Variants in NUBPL observed in about 807,000 individuals in gnomAD.
NUBPL encodes iron-sulfur cluster transfer protein NUBPL.
A neutral mutation model predicts 45.7 loss-of-function variants in NUBPL; 31 were observed. The observed-to-expected ratio is 0.68, with a 90% confidence interval of 0.51 to 0.92. The LOEUF (loss-of-function observed/expected upper bound fraction) is 0.92. NUBPL is among the 40% of genes least tolerant of loss of function. The pLI, the probability that NUBPL is intolerant of heterozygous loss-of-function variation, is 0.00. For synonymous variants in NUBPL, 144 were observed against 140.9 expected (o/e 1.02, Z -0.15); for missense variants, 401 against 398.7 (o/e 1.01, Z -0.05).
At chr14:31,775,100 C>T (rs2039075938) in intron 6 of NUBPL, among the ~76,000 whole-genome samples, 1 of 152,172 alleles carries the variant, frequency 6.6e-6, no homozygotes, top group Non-Finnish European at 1.5e-5. Context: ...CTTTGCACAA[C>T]AGCTCACTGA....
intron 7 of NUBPL, among the ~76,000 whole-genome samples, chr14:31,813,747 C>G (rs117031556): frequency 0.076 from 11,594 of 152,184 alleles, 486 homozygotes; most frequent in Non-Finnish European, 0.092. Flanking sequence ...CATGTTTTCT[C>G]TTTGTTCAAC....
At chr14:31,655,636 C>T (rs549024949) in intron 4 of NUBPL, among the ~76,000 whole-genome samples, 18 of 152,234 alleles carry the variant, frequency 1.2e-4, no homozygotes, top group African/African-American at 3.8e-4. Context: ...TCACTTGAAC[C>T]CAGGAGGTTG....
intron 4 of NUBPL, among the ~76,000 whole-genome samples, chr14:31,634,494 G>A (rs1208963109): frequency 6.6e-6 from 1 of 151,848 alleles, no homozygotes; most frequent in East Asian, 1.9e-4. Context: ...ATCATTGTTG[G>A]ACATTTGGGT....
At chr14:31,827,038 A>G (rs2040117623) in intron 8 of NUBPL, among the ~76,000 whole-genome samples, 1 of 152,204 alleles carries the variant, frequency 6.6e-6, no homozygotes, top group Non-Finnish European at 1.5e-5. Context: ...GCTTGAATAG[A>G]TCACTTATGG....
intron 7 of NUBPL, among the ~76,000 whole-genome samples, chr14:31,809,526 G>C (rs4514587): frequency 4.0e-5 from 6 of 151,702 alleles, no homozygotes; most frequent in Non-Finnish European, 8.8e-5. Context: ...TATTAGTCTT[G>C]CTAGCAGTCT....
intron 6 of NUBPL, among the ~76,000 whole-genome samples, chr14:31,726,071 C>T (rs1280125739): frequency 9.2e-5 from 14 of 152,038 alleles, no homozygotes; most frequent in Admixed American, 9.2e-4. Context: ...TTGCTTTGTA[C>T]ATAGGAGTTG....
intron 6 of NUBPL, among the ~76,000 whole-genome samples, chr14:31,685,794 A>G (rs1008325924): frequency 6.6e-6 from 1 of 152,242 alleles, no homozygotes; most frequent in Non-Finnish European, 1.5e-5. Context: ...AAGATGGTGC[A>G]TTTATTCAAT....
rs1301034481 is a variant in NUBPL at position 31,826,732 on chromosome 14, C to G, written c.693+18C>G. ...ACGTGCCCGTAAGCGTTTACAGCTT[C>G]ACTGTGAAAAATATAAAACTCTTCT... On this transcript the variant is annotated intron_variant, in intron 8 of 10. Transcript: ENST00000281081. 2 of 1,606,422 alleles carry G rather than the reference C, an allele frequency of 1.2e-6. No homozygotes were observed. Among genetic ancestry groups the G allele is most frequent in the Admixed American group, 3.3e-5 (2 of 59,976 alleles).
At chr14:31,608,433 A>G (rs1566444696) in intron 4 of NUBPL, among the ~76,000 whole-genome samples, 1 of 152,140 alleles carries the variant, frequency 6.6e-6, no homozygotes, top group Non-Finnish European at 1.5e-5. Flanking sequence ...GGGCGCCTGT[A>G]GTCCCAGCTA....
At chr14:31,826,853 C>A (rs2040114032) in intron 8 of NUBPL, 139 bp downstream of exon 8, 1 of 762,702 alleles carries the variant, frequency 1.3e-6, no homozygotes, top group Non-Finnish European at 2.3e-6. Context: ...ATTTTGGTGA[C>A]TTTAAAAACA....
At chr14:31,604,257 C>T (rs536071361) in intron 4 of NUBPL, among the ~76,000 whole-genome samples, 3 of 150,760 alleles carry the variant, frequency 2.0e-5, no homozygotes, top group South Asian at 4.2e-4. Context: ...ATGATTAAGG[C>T]GTTCACTTAA....
intron 3 of NUBPL, among the ~76,000 whole-genome samples, chr14:31,582,635 T>C (rs1217914456): frequency 6.6e-6 from 1 of 152,144 alleles, no homozygotes; most frequent in Non-Finnish European, 1.5e-5. Context: ...TTATTTTTTT[T>C]TCCATTTAAT....
chr14:31,842,783 T>C (rs1434481779), intron 8 of NUBPL, among the ~76,000 whole-genome samples: 1 of 152,192 alleles, frequency 6.6e-6, no homozygotes, highest in African/African-American at 2.4e-5. Flanking sequence ...AAATGATGTT[T>C]GAACATATAA....
intron 7 of NUBPL, among the ~76,000 whole-genome samples, chr14:31,789,183 A>G (rs2039335370): frequency 6.6e-6 from 1 of 152,176 alleles, no homozygotes; most frequent in East Asian, 1.9e-4. Context: ...AAAGTTAGCC[A>G]GGTGTGGTGG....
intron 6 of NUBPL, among the ~76,000 whole-genome samples, chr14:31,784,950 A>C (rs569138362): frequency 6.6e-6 from 1 of 152,162 alleles, no homozygotes; most frequent in Admixed American, 6.5e-5. Context: ...TGTAGCAAAT[A>C]TATTCCTATT....
chr14:31,642,586 T>C (rs34191985), intron 4 of NUBPL, among the ~76,000 whole-genome samples: 1 of 152,188 alleles, frequency 6.6e-6, no homozygotes, highest in Admixed American at 6.5e-5. Flanking sequence ...TTGGTTACTG[T>C]AACTTTGTAG....
intron 3 of NUBPL, among the ~76,000 whole-genome samples, chr14:31,565,898 G>A (rs910831010): frequency 2.0e-5 from 3 of 151,802 alleles, no homozygotes; most frequent in African/African-American, 4.8e-5. Context: ...GTCTATGGGA[G>A]TATCAATTTT....
intron 6 of NUBPL, among the ~76,000 whole-genome samples, chr14:31,756,587 G>A (rs75142610): frequency 1 from 149,235 of 149,892 alleles, 74,295 homozygotes; most frequent in Middle Eastern, 1. Flanking sequence ...TTATCAGCTT[G>A]AGGAGATTTT....
chr14:31,713,879 C>T (rs528355818), intron 6 of NUBPL, among the ~76,000 whole-genome samples: 1 of 152,318 alleles, frequency 6.6e-6, no homozygotes, highest in Non-Finnish European at 1.5e-5. Context: ...CAGCCAGCCT[C>T]CTTAAAAATG....
Sources: gnomAD v4.1 joint callset for allele counts (sites outside exome capture counted in the v4.1 genomes callset) on GRCh38, gnomAD v4.1.1 for gene constraint, MANE v1.5 for transcripts, NCBI Gene and HGNC (gene_info 2026-07-23, HGNC 2026-07-21) for gene names.